The following RFC3 variants were observed in gnomAD, a reference collection of about 807,000 sequenced individuals.
The protein encoded by RFC3 is replication factor C subunit 3.
RFC3 carries 41 observed loss-of-function variants against 45.1 expected under a neutral mutation model. The ratio of observed to expected loss-of-function variants is 0.91; its 90% CI spans 0.71 to 1.18. The LOEUF is 1.18. Ranked by LOEUF, RFC3 falls within the 50% of genes most tolerant of loss-of-function variation. The pLI, the probability that RFC3 is intolerant of heterozygous loss-of-function variation, is 0.00. For synonymous variants in RFC3, 149 were observed against 144.0 expected (o/e 1.03, Z -0.25); for missense variants, 423 against 428.1 (o/e 0.99, Z 0.10).
chr13:33,879,923 C>T (rs2082471962), intron 8 of RFC3, among the ~76,000 whole-genome samples: 1 of 152,214 alleles, frequency 6.6e-6, no homozygotes, highest in Non-Finnish European at 1.5e-5. Context: ...CTTCCATCTT[C>T]AGAGCCAGCC....
At chr13:33,916,961 T>C (rs193268611) in intron 8 of RFC3, among the ~76,000 whole-genome samples, 11 of 152,298 alleles carry the variant, frequency 7.2e-5, no homozygotes, top group African/African-American at 2.4e-4. Context: ...TTTTGACTTT[T>C]TTAAAATTAA....
chr13:33,864,833 A>G (rs1414710767), intron 8 of RFC3, among the ~76,000 whole-genome samples: 2 of 152,174 alleles, frequency 1.3e-5, no homozygotes, highest in Non-Finnish European at 1.5e-5. Flanking sequence ...GGACAACTCA[A>G]ATATGATTCC....
At chr13:33,864,921 G>A (rs899815899) in intron 8 of RFC3, among the ~76,000 whole-genome samples, 7 of 152,068 alleles carry the variant, frequency 4.6e-5, no homozygotes, top group African/African-American at 1.4e-4. Flanking sequence ...TTGCAGAGGC[G>A]ATTTTGAGAT....
At chr13:33,885,844 A>C (rs1164811317) in intron 8 of RFC3, among the ~76,000 whole-genome samples, 1 of 152,136 alleles carries the variant, frequency 6.6e-6, no homozygotes, top group Non-Finnish European at 1.5e-5. Flanking sequence ...CCAGAGCTCC[A>C]CCAGCCATCT....
chr13:33,920,781 T>G (rs913123208), intron 8 of RFC3, among the ~76,000 whole-genome samples: 1 of 152,112 alleles, frequency 6.6e-6, no homozygotes, highest in Admixed American at 6.6e-5. Flanking sequence ...TCTCAGCTCA[T>G]TACACCGGTA....
intron 8 of RFC3, among the ~76,000 whole-genome samples, chr13:33,907,374 A>G (rs1050385103): frequency 3.9e-5 from 6 of 152,124 alleles, no homozygotes; most frequent in African/African-American, 1.4e-4. Flanking sequence ...AATAAATCCT[A>G]GAACATATTT....
intron 8 of RFC3, among the ~76,000 whole-genome samples, chr13:33,861,482 G>GC (rs2082340705): frequency 6.6e-6 from 1 of 151,878 alleles, no homozygotes; most frequent in South Asian, 2.1e-4. Context: ...ACAAAAATTA[G>GC]CCAGGCATGG....
chr13:33,838,387 G>T (rs1283604562), downstream of RFC3, among the ~76,000 whole-genome samples: 1 of 151,916 alleles, frequency 6.6e-6, no homozygotes, highest in African/African-American at 2.4e-5. Context: ...CTCAGTTTTT[G>T]TTTCTCTGGA....
intron 8 of RFC3, among the ~76,000 whole-genome samples, chr13:33,905,770 A>C (rs1184252854): frequency 6.6e-6 from 1 of 152,084 alleles, no homozygotes; most frequent in Non-Finnish European, 1.5e-5. Context: ...TCTTCACCAA[A>C]TCTGGTCATT....
chr13:33,895,411 A>G (rs913709289), intron 8 of RFC3, among the ~76,000 whole-genome samples: 25 of 152,156 alleles, frequency 1.6e-4, no homozygotes, highest in African/African-American at 5.8e-4. Context: ...AATCATCAGG[A>G]ATATGGCATA....
chr13:33,975,299 C>T, the RFC3 span, among the ~76,000 whole-genome samples: 1 of 152,080 alleles, frequency 6.6e-6, no homozygotes, highest in Admixed American at 6.6e-5. Context: ...AGGCTACATA[C>T]TATATGATTC....
chr13:33,875,392 C>G (rs536479464), intron 8 of RFC3, among the ~76,000 whole-genome samples: 1 of 152,186 alleles, frequency 6.6e-6, no homozygotes, highest in East Asian at 1.9e-4. Flanking sequence ...GAAGCATTAC[C>G]CAGGAGTAGC....
chr13:33,844,956 A>G (rs1284359358), intron 8 of RFC3, among the ~76,000 whole-genome samples: 2 of 152,212 alleles, frequency 1.3e-5, no homozygotes, highest in African/African-American at 2.4e-5. Context: ...CATTACTTGT[A>G]TGATAGGCTT....
At chr13:33,925,207 CAT>C (rs1389111029) in intron 8 of RFC3, among the ~76,000 whole-genome samples, 4 of 118,646 alleles carry the variant, frequency 3.4e-5, no homozygotes, top group East Asian at 2.6e-4. Context: ...TATACATACA[CAT>C]ATAGTGTACT....
chr13:33,910,547 C>T (rs1280645773), intron 8 of RFC3, among the ~76,000 whole-genome samples: 1 of 151,920 alleles, frequency 6.6e-6, no homozygotes, highest in African/African-American at 2.4e-5. Context: ...GAGAGATCAC[C>T]GAAGGCTTTC....
intron 8 of RFC3, chr13:33,850,746 C>T (rs2137503180): frequency 6.6e-6 from 1 of 152,156 alleles, no homozygotes; most frequent in South Asian, 2.1e-4. Context: ...TAATAGTGAT[C>T]AAAGTGCAGA....
intron 8 of RFC3, among the ~76,000 whole-genome samples, chr13:33,912,530 C>G (rs537168942): frequency 2.0e-5 from 3 of 152,160 alleles, no homozygotes; most frequent in Admixed American, 1.3e-4. Context: ...TGGGGAACAT[C>G]AGGGCAGTGG....
At chr13:33,903,155 T>G (rs1405541447) in intron 8 of RFC3, among the ~76,000 whole-genome samples, 4 of 152,062 alleles carry the variant, frequency 2.6e-5, no homozygotes, top group Non-Finnish European at 5.9e-5. Flanking sequence ...CCGGTTACTC[T>G]CTCTCCATCT....
downstream of RFC3, among the ~76,000 whole-genome samples, chr13:33,968,159 G>T (rs145855567): frequency 0.019 from 2,902 of 152,248 alleles, 98 homozygotes; most frequent in African/African-American, 0.066. Context: ...ATGGAGTCTG[G>T]CTCTGTCGCC....
Sources: allele counts gnomAD v4.1 joint callset (sites outside exome capture counted in the v4.1 genomes callset), GRCh38; gene constraint gnomAD v4.1.1; transcripts MANE v1.5; gene names NCBI Gene and HGNC (gene_info 2026-07-23, HGNC 2026-07-21).